The following APOB variants were observed in gnomAD, a reference collection of about 807,000 sequenced individuals.
The protein encoded by APOB is apolipoprotein B-100.
Under a neutral mutation model 314.1 loss-of-function variants are expected in APOB, and 153 were observed. That is an observed-to-expected ratio of 0.49 (90% CI 0.43 to 0.56). The LOEUF is 0.56. Ranked by LOEUF, APOB falls within the 20% of genes least tolerant of loss-of-function variation. The probability of loss-of-function intolerance (pLI) is 0.00; values close to 1 mark genes in which losing one functional copy is unlikely to be tolerated. For missense variants in APOB, 5,430 were observed against 5,350.7 expected (o/e 1.01, Z -0.46); for synonymous variants, 2,087 against 2,036.4 (o/e 1.02, Z -0.67).
intron 20 of APOB, among the ~76,000 whole-genome samples, chr2:21,017,930 C>G (rs1293286059): frequency 6.6e-6 from 1 of 152,146 alleles, no homozygotes; most frequent in Non-Finnish European, 1.5e-5. Flanking sequence ...TGCCCCATTC[C>G]CTAAAACCTG....
chr2:21,019,259 T>C, intron 19 of APOB, 146 bp from the exon 20 acceptor site: 1 of 1,119,082 alleles, frequency 8.9e-7, no homozygotes, highest in Non-Finnish European at 1.3e-6. Context: ...GATGATCTTT[T>C]TGATCCCTCA....
Position 21,006,112 on chromosome 2 carries a change from T to C in APOB, c.10756A>G (p.Lys3586Glu). 1 of 1,614,020 alleles carries C rather than the reference T, an allele frequency of 6.2e-7. No homozygotes were observed. The highest frequency in any genetic ancestry group is 8.5e-7 in the Non-Finnish European group (1 of 1,179,956). The change falls in exon 26 of 29, where the codon AAA becomes GAA. Residue 3586 changes from lysine to glutamate, a missense_variant. Lys to Glu is a moderately conservative substitution (Grantham distance 56). Coordinates refer to ENST00000233242, the MANE Select transcript of APOB (RefSeq NM_000384.3). ...LFFTNGEHTS[K>E]ATLELSPWQM... ...CATGGAGAGAGTTCCAGGGTGGCTT[T>C]GCTTGTATGTTCTCCGTTGGTGAAA...
Position 21,042,442 on chromosome 2 carries a change from G to T in APOB, c.156C>A (p.Tyr52Ter). Residue 52 changes from tyrosine (Y) to a stop codon, truncating the protein, a stop_gained, in exon 3 of 29, where the codon TAC (tyrosine) becomes TAA (stop). Transcript: ENST00000233242. LOFTEE classifies it high-confidence loss of function. ...AACTCTCAGCCTCATAGTTGTATGT[G>T]TACTTCCGGAGGTGCTTGAATCGGG... ...DATRFKHLRK[Y>*]TYNYEAESSS... 4 of 1,614,176 alleles carry T rather than the reference G, an allele frequency of 2.5e-6. No homozygotes were observed. The highest frequency in any genetic ancestry group is 3.4e-6 in the Non-Finnish European group (4 of 1,180,024).
Position 21,013,666 on chromosome 2 carries a change from C to A in APOB, c.3843-133G>T, listed in dbSNP as rs895005713. The stretch of plus-strand genomic sequence containing the variant: ...ACTCTGCACTTTTCTTTGTGCTACT[C>A]CTATGCCTGGACCCCTTTGCTTTTA... On this transcript the variant is annotated intron_variant, in intron 24 of 28. Coordinates refer to ENST00000233242, the MANE Select transcript of APOB (RefSeq NM_000384.3). 2.3e-6 allele frequency: 3 copies of A among 1,280,986 alleles called. No individual in the cohort carries two copies. The African/African-American group carries it at 4.4e-5, about 19-fold the overall frequency. The allele number at this position is 1,280,986 out of a possible 1,614,324, so 79.4% of individuals were successfully genotyped here.
At position 21,013,367 on chromosome 2, in the gene APOB, C is replaced by G. The variant is rs770158451; in HGVS notation, c.4009G>C (p.Val1337Leu). The G allele has an allele frequency of 6.2e-7, 1 of 1,614,216 alleles. No homozygotes were observed. The highest frequency in any genetic ancestry group is 8.5e-7 in the Non-Finnish European group (1 of 1,180,050). The change falls in exon 25 of 29, where the codon GTC (valine) becomes CTC (leucine). Residue 1337 changes from valine to leucine, a missense_variant. Val to Leu is a conservative substitution (Grantham distance 32). Transcript: ENST00000233242. ...AACTTGGGAATGGTAAAAGTAGGGACTTGGAACTCTCGAGATGGCAGATGG... is the reference window on the plus strand; with the variant it reads ...AACTTGGGAATGGTAAAAGTAGGGAGTTGGAACTCTCGAGATGGCAGATGG... Reference protein sequence around the residue: ...GFHLPSREFQVPTFTIPKLYQ... With the variant: ...GFHLPSREFQLPTFTIPKLYQ...
intron 15 of APOB, among the ~76,000 whole-genome samples, chr2:21,025,609 T>TG (rs991595123): frequency 7.9e-5 from 12 of 151,786 alleles, no homozygotes; most frequent in African/African-American, 2.9e-4. Flanking sequence ...GCCCAGGCAT[T>TG]GGGAAAAAAA....
rs1662978995 is a variant in APOB at position 21,001,652 on chromosome 2, T to C, written c.*78A>G. ...GGCTCACTGTATGGTTTTATCAATA[T>C]AGGCAGTTTGAATTTTTTCTGTGCT... On this transcript the variant is annotated 3_prime_UTR_variant, in exon 29 of 29. Transcript: ENST00000233242. The C allele has an allele frequency of 4.2e-6, 6 of 1,428,040 alleles. No homozygotes were observed. Among genetic ancestry groups the C allele is most frequent in the Admixed American group, 1.7e-5 (1 of 58,770 alleles). 88.5% of individuals were successfully genotyped at this position (1,428,040 alleles called of 1,614,324 possible).
At chr2:21,037,285 A>G in intron 5 of APOB, 30 bp from the exon 6 acceptor site, 1 of 1,608,274 alleles carries the variant, frequency 6.2e-7, no homozygotes, top group South Asian at 1.1e-5. Context: ...AACCACATGT[A>G]TTCAACACGG....
rs758740143 is a variant in APOB at position 21,012,219 on chromosome 2, A to C, written c.4649T>G (p.Leu1550Arg). 5 of 1,606,806 alleles carry C rather than the reference A, an allele frequency of 3.1e-6. No individual in the cohort carries two copies. The highest frequency in any genetic ancestry group is 4.3e-6 in the Non-Finnish European group (5 of 1,175,402). ...GTLSLTSTSD[L>R]QSGIIKNTAS... ...AGTATTTTTAATGATGCCACTTTGCAGATCAGAGGTGGAGGTGAGGGAGAG... is the reference window on the plus strand; with the variant it reads ...AGTATTTTTAATGATGCCACTTTGCCGATCAGAGGTGGAGGTGAGGGAGAG... Residue 1550 changes from leucine to arginine, a missense_variant, in exon 26 of 29, where the codon CTG becomes CGG. Around this residue, in one of 3 missense-constraint regions of APOB, gnomAD observed 2,085 missense variants for 2,079.7 expected, o/e 1.00. Coordinates refer to ENST00000233242, the MANE Select transcript of APOB (RefSeq NM_000384.3).
At position 21,007,876 on chromosome 2, in the gene APOB, C is replaced by T; in HGVS notation, c.8992G>A (p.Gly2998Ser). The T allele has an allele frequency of 1.2e-6, 2 of 1,614,044 alleles. No homozygotes were observed. Among genetic ancestry groups the T allele is most frequent in the Non-Finnish European group, 1.7e-6 (2 of 1,179,960 alleles). Residue 2998 changes from glycine to serine, a missense_variant, in exon 26 of 29, where the codon GGC becomes AGC. Coordinates refer to ENST00000233242, the MANE Select transcript of APOB (RefSeq NM_000384.3). ...CCTTTAGCAGTTAGAACACTGTGGC[C>T]CACATGCTGGGAATCGACTTGTGAT... is the stretch of plus-strand genomic sequence containing the variant. ...IQSQVDSQHV[G>S]HSVLTAKGMA...
intron 28 of APOB, among the ~76,000 whole-genome samples, chr2:21,003,758 G>A (rs545867951): frequency 3.3e-5 from 5 of 152,200 alleles, no homozygotes; most frequent in South Asian, 2.1e-4. Context: ...ACATCAGTAC[G>A]CATTCTCCAA....
At position 21,008,844 on chromosome 2, in the gene APOB, G is replaced by C; in HGVS notation, c.8024C>G (p.Thr2675Ser). 6.2e-7 allele frequency: 1 copy of C among 1,614,068 alleles called. No individual in the cohort carries two copies. Among genetic ancestry groups the C allele is most frequent in the Non-Finnish European group, 8.5e-7 (1 of 1,179,944 alleles). ...CTCACTGTTCAGCATCTGGTCAATGGTTCTGATGATCTTTACTTTCATTTC... is the reference window on the plus strand; with the variant it reads ...CTCACTGTTCAGCATCTGGTCAATGCTTCTGATGATCTTTACTTTCATTTC... ...FVEMKVKIIR[T>S]IDQMLNSELQ... Residue 2675 changes from threonine to serine, a missense_variant, in exon 26 of 29, where the codon ACC (threonine) becomes AGC (serine). Thr to Ser is a moderately conservative substitution (Grantham distance 58). This residue lies in a region of APOB where 3,281 missense variants were observed against 3,171.0 expected (regional missense o/e 1.03). Transcript: ENST00000233242.
chr2:21,038,320 TTTTTTCTTTTTTTCTTTTTTC>T (rs1572802447), intron 4 of APOB, among the ~76,000 whole-genome samples: 1 of 152,136 alleles, frequency 6.6e-6, no homozygotes, highest in East Asian at 1.9e-4. Context: ...GTGATTCTTT[TTTTTTCTTTTTTTCTTTTTTC>T]TTTTTCTTTT....
intron 20 of APOB, among the ~76,000 whole-genome samples, chr2:21,017,002 TA>T (rs1558567951): frequency 9.1e-4 from 122 of 134,506 alleles, no homozygotes; most frequent in African/African-American, 3.3e-3. Context: ...AATAAATAAA[TA>T]AATAAATAAA....
intron 2 of APOB, 100 bp downstream of exon 2, chr2:21,043,413 G>A: frequency 1.5e-6 from 2 of 1,374,356 alleles, no homozygotes; most frequent in Non-Finnish European, 2.0e-6. Flanking sequence ...ACACCACGAT[G>A]CCATCTCAGC....
Position 21,005,367 on chromosome 2 carries a change from C to A in APOB, c.11501G>T (p.Gly3834Val). 1 of 1,614,066 alleles carries A rather than the reference C, an allele frequency of 6.2e-7. No individual in the cohort carries two copies. The highest frequency in any genetic ancestry group is 1.1e-5 in the South Asian group (1 of 91,084). ...QFTLPKSVSD[G>V]IAALDLNAVA... ...TGCATTTAGATCCAAAGCAGCAATG[C>A]CATCTGAAACACTTTTTGGAAGCGT... Residue 3834 changes from glycine (G) to valine (V), a missense_variant, in exon 26 of 29, where the codon GGC becomes GTC. Gly to Val is a moderately radical substitution (Grantham distance 109, BLOSUM62 -3). Coordinates refer to ENST00000233242, the MANE Select transcript of APOB (RefSeq NM_000384.3).
At chr2:21,022,690 G>A (rs187521434) in intron 18 of APOB, 141 bp downstream of exon 18, 28 of 743,710 alleles carry the variant, frequency 3.8e-5, no homozygotes, top group South Asian at 4.7e-5. Context: ...TAGGTAACCC[G>A]GAATCTTTCC....
At position 21,014,507 on chromosome 2, in the gene APOB, G is replaced by A; in HGVS notation, c.3783C>T (p.Phe1261=). 1.2e-6 allele frequency: 2 copies of A among 1,614,116 alleles called. No individual in the cohort carries two copies. Among genetic ancestry groups the A allele is most frequent in the Non-Finnish European group, 1.7e-6 (2 of 1,180,014 alleles). The change falls in exon 24 of 29, where the codon TTC becomes TTT. Residue 1261 remains phenylalanine (F), a synonymous_variant. Coordinates refer to ENST00000233242, the MANE Select transcript of APOB (RefSeq NM_000384.3). ...LQDHLNSLKE[F]NLQNMGLPDF... is the part of the protein sequence containing the mutation. ...CTGGCAATCCCATGTTCTGGAGGTT[G>A]AACTCCTTCAGGCTATTGAGGTGGT...
At chr2:21,028,781 A>C (rs1166433909) in intron 12 of APOB, among the ~76,000 whole-genome samples, 1 of 152,064 alleles carries the variant, frequency 6.6e-6, no homozygotes, top group Non-Finnish European at 1.5e-5. Flanking sequence ...CACATAAATT[A>C]TGGCCAAGTT....
Sources: allele counts gnomAD v4.1 joint callset (sites outside exome capture counted in the v4.1 genomes callset), GRCh38; gene constraint gnomAD v4.1.1; regional missense constraint gnomAD v4.1.1; transcripts MANE v1.5; gene names NCBI Gene and HGNC (gene_info 2026-07-23, HGNC 2026-07-21).